TTLL4: variants seen among roughly 807,000 people sequenced by gnomAD.
The protein encoded by TTLL4 is tubulin tyrosine ligase like 4, also known as tubulin monoglutamylase TTLL4.
Under a neutral mutation model 122.7 loss-of-function variants are expected in TTLL4, and 85 were observed. That is an observed-to-expected ratio of 0.69 (90% CI 0.58 to 0.83). TTLL4 has a LOEUF of 0.83. Ranked by LOEUF, TTLL4 falls within the 40% of genes least tolerant of loss-of-function variation. The pLI is 0.00. For synonymous variants in TTLL4, 553 were observed against 563.0 expected (o/e 0.98, Z 0.25); for missense variants, 1,363 against 1,488.6 (o/e 0.92, Z 1.39).
intron 5 of TTLL4, among the ~76,000 whole-genome samples, chr2:218,740,900 C>T (rs1299264289): frequency 2.6e-5 from 4 of 152,104 alleles, no homozygotes; most frequent in Non-Finnish European, 5.9e-5. Flanking sequence ...TGGCAAAACC[C>T]TGTCTCTACT....
intron 1 of TTLL4, among the ~76,000 whole-genome samples, chr2:218,715,297 G>A (rs1941825521): frequency 6.6e-6 from 1 of 152,228 alleles, no homozygotes; most frequent in African/African-American, 2.4e-5. Flanking sequence ...TCAGATAGTT[G>A]TGGGTATTGG....
At chr2:218,736,587 G>A (rs1575171100) in intron 2 of TTLL4, among the ~76,000 whole-genome samples, 1 of 133,084 alleles carries the variant, frequency 7.5e-6, no homozygotes, top group East Asian at 1.9e-4. Flanking sequence ...TGGAAATAAA[G>A]TCACTTTAAG....
downstream of TTLL4, among the ~76,000 whole-genome samples, chr2:218,758,308 CAGTT>C (rs1278029587): frequency 3.2e-4 from 48 of 152,132 alleles, no homozygotes; most frequent in Non-Finnish European, 2.1e-4. Context: ...ATTTAAGTTT[CAGTT>C]AGTAAACTGG....
At chr2:218,713,805 C>A (rs1453076873) in intron 1 of TTLL4, among the ~76,000 whole-genome samples, 1 of 152,060 alleles carries the variant, frequency 6.6e-6, no homozygotes, top group Non-Finnish European at 1.5e-5. Context: ...TTATAGTGGC[C>A]TAGGCTAGAG....
At chr2:218,753,774 T>G (rs6757772) in intron 19 of TTLL4, 105 bp downstream of exon 19, 588,302 of 1,265,048 alleles carry the variant, frequency 0.47, 140,639 homozygotes, top group African/African-American at 0.59. Flanking sequence ...ATTCTCCAGC[T>G]GGGGGTTGGT....
chr2:218,744,988 T>C, intron 5 of TTLL4, 121 bp from the exon 6 acceptor site: 1 of 1,367,104 alleles, frequency 7.3e-7, no homozygotes, highest in Non-Finnish European at 1.0e-6. Flanking sequence ...ATTGAGCACC[T>C]GGCTTTTTAG....
chr2:218,733,654 C>G (rs1019998540), intron 2 of TTLL4, among the ~76,000 whole-genome samples: 13 of 152,334 alleles, frequency 8.5e-5, no homozygotes, highest in Non-Finnish European at 1.9e-4. Context: ...AGAATCCACT[C>G]TACTCTAGTA....
intron 19 of TTLL4, 30 bp from the exon 20 acceptor site, chr2:218,754,104 G>T: frequency 6.2e-7 from 1 of 1,613,446 alleles, no homozygotes; most frequent in Non-Finnish European, 8.5e-7. Flanking sequence ...CAGTGTCTCA[G>T]TCATTTCTTT....
At chr2:218,722,061 C>A (rs560684327) in intron 1 of TTLL4, among the ~76,000 whole-genome samples, 2 of 152,022 alleles carry the variant, frequency 1.3e-5, no homozygotes, top group African/African-American at 4.8e-5. Context: ...GTGGGAGAAT[C>A]GCTTGAGCCC....
chr2:218,746,582 T>C (rs1942849291), intron 8 of TTLL4: 2 of 374,728 alleles, frequency 5.3e-6, no homozygotes, highest in African/African-American at 4.1e-5. Flanking sequence ...GTCTGTTTTC[T>C]GTTTATTATG....
At position 218,747,066 on chromosome 2, in the gene TTLL4, C is replaced by G. The variant is rs767304485; in HGVS notation, c.2038C>G (p.Arg680Gly). Reference protein sequence around the residue: ...RKDRLWRNLSRMQSRFGKKEF... With the variant: ...RKDRLWRNLSGMQSRFGKKEF... ...GGACCGGCTATGGCGGAACCTGTCA[C>G]GTATGCAGAGCCGCTTTGGCAAGAA... Residue 680 changes from arginine to glycine, a missense_variant, in exon 9 of 20, where the codon CGT becomes GGT. By Grantham distance (125) the Arg-to-Gly change is moderately radical. Transcript: ENST00000392102. This position sits in a 1 kb window ranked among gnomAD's most constrained non-coding sequence, Gnocchi z 4.7. 6.2e-7 allele frequency: 1 copy of G among 1,614,076 alleles called. No individual in the cohort carries two copies. Among genetic ancestry groups the G allele is most frequent in the Non-Finnish European group, 8.5e-7 (1 of 1,180,042 alleles).
At chr2:218,737,174 T>A (rs1038433003) in intron 2 of TTLL4, among the ~76,000 whole-genome samples, 2 of 152,220 alleles carry the variant, frequency 1.3e-5, no homozygotes, top group African/African-American at 4.8e-5. Flanking sequence ...GTCCTCTCTC[T>A]CACTTCAGAT....
In TTLL4 at chr2:218,747,219, G is replaced by A; in HGVS notation, c.2166+25G>A. The stretch of plus-strand genomic sequence containing the variant: ...AGTGAGTGAATCACAGTGGGCAGGA[G>A]ACTATGGTCTGTGAGTGGGAACAAC... On this transcript the variant is annotated intron_variant, in intron 9 of 19. Transcript: ENST00000392102. This position sits in a 1 kb window ranked among gnomAD's most constrained non-coding sequence, Gnocchi z 4.7. 2.5e-6 allele frequency: 4 copies of A among 1,614,174 alleles called. No individual in the cohort carries two copies. The South Asian group carries it at 3.3e-5, about 13-fold the overall frequency.
chr2:218,754,771 A>C lies in TTLL4; in HGVS notation c.*382A>C, dbSNP rs562829704. The stretch of plus-strand genomic sequence containing the variant: ...CTCAAGAGGAGAAAACATACAGAAC[A>C]TATTTGGACCGGAAATCCTTTGTTC... On this transcript the variant is annotated 3_prime_UTR_variant, in exon 20 of 20. Transcript: ENST00000392102. 1 of 237,026 alleles carries C rather than the reference A, an allele frequency of 4.2e-6. No individual in the cohort carries two copies. Among genetic ancestry groups the C allele is most frequent in the Non-Finnish European group, 8.3e-6 (1 of 120,892 alleles). 14.7% of individuals were successfully genotyped at this position (237,026 alleles called of 1,614,324 possible). A position where few individuals can be genotyped will look rare whatever the true frequency, so the allele number is the denominator to read the frequency against.
Position 218,746,176 on chromosome 2 carries a change from G to T in TTLL4, c.1919G>T (p.Cys640Phe), listed in dbSNP as rs1559371528. 6.2e-7 allele frequency: 1 copy of T among 1,614,140 alleles called. No individual in the cohort carries two copies. Among genetic ancestry groups the T allele is most frequent in the Admixed American group, 1.7e-5 (1 of 60,018 alleles). Reference protein sequence around the residue: ...ISKRNDDWLGCWGHHMKSPSF... With the variant: ...ISKRNDDWLGFWGHHMKSPSF... ...ATAGGAAACGATGACTGGCTGGGCT[G>T]CTGGGGTCACCACATGAAGTCTCCT... Residue 640 changes from cysteine to phenylalanine, a missense_variant, in exon 8 of 20, where the codon TGC becomes TTC. Physicochemically the swap from Cys to Phe is radical, Grantham distance 205. Around this residue, in one of 3 missense-constraint regions of TTLL4, gnomAD observed 760 missense variants for 808.4 expected, o/e 0.94. Transcript: ENST00000392102.
chr2:218,743,728 G>A (rs1051011243), intron 5 of TTLL4, among the ~76,000 whole-genome samples: 28 of 152,062 alleles, frequency 1.8e-4, no homozygotes, highest in Admixed American at 1.3e-4. Context: ...TACCCAGGCC[G>A]GAGTGCAATG....
chr2:218,752,679 G>A, intron 16 of TTLL4, 84 bp from the exon 17 acceptor site: 1 of 1,464,532 alleles, frequency 6.8e-7, no homozygotes, highest in Non-Finnish European at 9.5e-7. Context: ...CCAGGGGTGT[G>A]CTCCCTGTTC....
intron 5 of TTLL4, among the ~76,000 whole-genome samples, chr2:218,742,670 G>A (rs1942733577): frequency 6.6e-6 from 1 of 152,138 alleles, no homozygotes; most frequent in Admixed American, 6.6e-5. Flanking sequence ...TTTAAATTAA[G>A]CTTGTGATAT....
intron 5 of TTLL4, among the ~76,000 whole-genome samples, chr2:218,741,618 GCAC>G (rs1942703044): frequency 6.6e-6 from 1 of 152,148 alleles, no homozygotes; most frequent in South Asian, 2.1e-4. Flanking sequence ...CCCATCACGG[GCAC>G]CCTGAGTCTG....
Sources: gnomAD v4.1 joint callset for allele counts (sites outside exome capture counted in the v4.1 genomes callset) on GRCh38, gnomAD v4.1.1 for gene constraint, gnomAD v4.1.1 regional missense constraint, Gnocchi (gnomAD v3.1) non-coding constraint, MANE v1.5 for transcripts, NCBI Gene and HGNC (gene_info 2026-07-23, HGNC 2026-07-21) for gene names.